OPHN1: variants seen among roughly 807,000 people sequenced by gnomAD.
OPHN1 encodes the protein oligophrenin-1.
OPHN1 carries 11 observed loss-of-function variants against 60.7 expected under a neutral mutation model. The observed-to-expected ratio is 0.18, with a 90% confidence interval of 0.11 to 0.30. OPHN1 has a LOEUF of 0.30. Ranked by LOEUF, OPHN1 falls within the 10% of genes least tolerant of loss-of-function variation. The probability of loss-of-function intolerance (pLI) is 1.00; values close to 1 mark genes in which losing one functional copy is unlikely to be tolerated. For synonymous variants in OPHN1, 226 were observed against 222.6 expected (o/e 1.02, Z -0.14); for missense variants, 449 against 611.0 (o/e 0.73, Z 2.80).
At chrX:68,395,718 A>ATTACAGGC (rs1307891871) in intron 2 of OPHN1, among the ~76,000 whole-genome samples, 1 of 110,961 alleles carries the variant, frequency 9.0e-6, no homozygotes, top group African/African-American at 3.3e-5. Context: ...AAGTGCTGGG[A>ATTACAGGC]TTACAGGCGT....
chrX:68,054,213 A>C (rs2076863865), intron 21 of OPHN1, among the ~76,000 whole-genome samples: 1 of 111,505 alleles, frequency 9.0e-6, no homozygotes. Flanking sequence ...TGAATTGCTT[A>C]AATTCATCAT....
At chrX:68,128,928 A>G (rs969966728) in intron 15 of OPHN1, among the ~76,000 whole-genome samples, 5 of 112,028 alleles carry the variant, frequency 4.5e-5, no homozygotes, top group African/African-American at 6.5e-5. Context: ...TGTACAATAA[A>G]AGCGGCATTT....
At chrX:68,367,926 T>A (rs1330169268) in intron 2 of OPHN1, among the ~76,000 whole-genome samples, 2 of 111,919 alleles carry the variant, frequency 1.8e-5, no homozygotes, top group African/African-American at 6.5e-5. Flanking sequence ...TTAAACCTCT[T>A]TCCTTTATGA....
At chrX:68,208,872 C>T (rs191595358) in intron 9 of OPHN1, among the ~76,000 whole-genome samples, 1 of 112,016 alleles carries the variant, frequency 8.9e-6, no homozygotes, top group East Asian at 2.8e-4. Context: ...TACACAGGAC[C>T]ACTTCCCAGA....
At position 68,064,147 on chromosome X, in the gene OPHN1, G is replaced by A. The variant is rs1158998442; in HGVS notation, c.1865C>T (p.Thr622Ile). The A allele has an allele frequency of 1.7e-6, 2 of 1,209,266 alleles. No homozygotes were observed. Among genetic ancestry groups the A allele is most frequent in the Non-Finnish European group, 2.2e-6 (2 of 895,014 alleles). The change falls in exon 21 of 25, where the codon ACT (threonine) becomes ATT (isoleucine). Residue 622 changes from threonine (T) to isoleucine (I), a missense_variant. Physicochemically the swap from Thr to Ile is moderately conservative, Grantham distance 89. Transcript: ENST00000355520. ...DEIQHQTPNG[T>I]ITSSIEPPKP... is the part of the protein sequence containing the mutation. ...GGGGGGTTCTATGCTGCTGGTGATA[G>A]TACCATTCGGTGTTTGATGTTGGAT...
intron 3 of OPHN1, among the ~76,000 whole-genome samples, chrX:68,297,314 G>C (rs1176866399): frequency 8.9e-6 from 1 of 111,744 alleles, no homozygotes; most frequent in East Asian, 2.8e-4. Flanking sequence ...GAGAGGTGAA[G>C]TTACTTGCCA....
chrX:68,329,289 T>C (rs896227723), intron 2 of OPHN1, among the ~76,000 whole-genome samples: 4 of 112,176 alleles, frequency 3.6e-5, no homozygotes, highest in African/African-American at 3.2e-5. Context: ...TATAAATGTG[T>C]ATAAGCACTC....
intron 5 of OPHN1, among the ~76,000 whole-genome samples, chrX:68,247,272 G>A (rs368778037): frequency 9.0e-6 from 1 of 111,250 alleles, no homozygotes; most frequent in East Asian, 2.8e-4. Context: ...TTATAACCCC[G>A]ACCTCACATA....
At chrX:68,257,041 T>TAAA (rs200274183) in intron 5 of OPHN1, among the ~76,000 whole-genome samples, 1 of 87,643 alleles carries the variant, frequency 1.1e-5, no homozygotes. Flanking sequence ...CAAAAAAAAT[T>TAAA]AAAAAAAAAA....
intron 18 of OPHN1, among the ~76,000 whole-genome samples, chrX:68,110,052 C>G (rs2077097698): frequency 9.1e-6 from 1 of 110,072 alleles, no homozygotes; most frequent in South Asian, 3.9e-4. Flanking sequence ...CGCTGTTTTG[C>G]TGGGTCAAAG....
At chrX:68,059,188 A>T (rs2076884245) in intron 21 of OPHN1, among the ~76,000 whole-genome samples, 1 of 111,624 alleles carries the variant, frequency 9.0e-6, no homozygotes, top group Non-Finnish European at 1.9e-5. Context: ...TTTTACTACA[A>T]ACTTGATCTC....
chrX:68,123,538 TACA>T (rs2077158210), intron 15 of OPHN1, among the ~76,000 whole-genome samples: 1 of 111,178 alleles, frequency 9.0e-6, no homozygotes, highest in Non-Finnish European at 1.9e-5. Flanking sequence ...ACATAGAGAG[TACA>T]ACAAGACATA....
At chrX:68,279,072 A>G (rs2078006437) in intron 4 of OPHN1, among the ~76,000 whole-genome samples, 1 of 94,686 alleles carries the variant, frequency 1.1e-5, no homozygotes, top group Non-Finnish European at 2.1e-5. Context: ...GAAGTGTGCA[A>G]TTCAGACTTT....
intron 12 of OPHN1, 88 bp downstream of exon 12, chrX:68,197,098 T>C (rs1339241923): frequency 4.6e-6 from 3 of 658,052 alleles, no homozygotes; most frequent in Non-Finnish European, 7.5e-6. Context: ...CCATTACCAT[T>C]TAATTGTCTG....
intron 3 of OPHN1, among the ~76,000 whole-genome samples, chrX:68,288,034 T>G (rs2078053494): frequency 8.9e-6 from 1 of 111,780 alleles, no homozygotes; most frequent in African/African-American, 3.3e-5. Context: ...TTGCTGAATA[T>G]GTGGCCTGAA....
chrX:68,404,079 A>T (rs2078728717), intron 2 of OPHN1, among the ~76,000 whole-genome samples: 1 of 110,681 alleles, frequency 9.0e-6, no homozygotes, highest in African/African-American at 3.3e-5. Context: ...GCTTAATGAT[A>T]ACAACTCTAC....
At chrX:68,253,472 G>C (rs1189075302) in intron 5 of OPHN1, among the ~76,000 whole-genome samples, 1 of 111,396 alleles carries the variant, frequency 9.0e-6, no homozygotes, top group Non-Finnish European at 1.9e-5. Context: ...CCTGGGTTCT[G>C]ATCCCATCTC....
intron 2 of OPHN1, among the ~76,000 whole-genome samples, chrX:68,416,063 TATATAGAGAGAGAGAG>T (rs1268457902): frequency 0.088 from 515 of 5,856 alleles, 1 homozygote; most frequent in Non-Finnish European, 0.22. Context: ...TATATATATA[TATATAGAGAGAGAGAG>T]AGAGAGAGAG....
chrX:68,352,361 G>A (rs868359766), intron 2 of OPHN1, among the ~76,000 whole-genome samples: 3 of 93,593 alleles, frequency 3.2e-5, no homozygotes, highest in African/African-American at 3.8e-5. Context: ...CAAAAGAAAT[G>A]AAAAAAAAAA....
Sources: gnomAD v4.1 joint callset for allele counts (sites outside exome capture counted in the v4.1 genomes callset) on GRCh38, gnomAD v4.1.1 for gene constraint, MANE v1.5 for transcripts, NCBI Gene and HGNC (gene_info 2026-07-23, HGNC 2026-07-21) for gene names.